Variants in ARID4B observed in about 807,000 individuals in gnomAD.
The protein encoded by ARID4B is AT-rich interaction domain 4B.
Under a neutral mutation model 147.5 loss-of-function variants are expected in ARID4B, and 26 were observed. The ratio of observed to expected loss-of-function variants is 0.18; its 90% confidence interval spans 0.13 to 0.24. ARID4B has a LOEUF of 0.24. ARID4B is among the 10% of genes least tolerant of loss of function. The probability of loss-of-function intolerance (pLI) is 1.00; values close to 1 mark genes in which losing one functional copy is unlikely to be tolerated. For synonymous variants in ARID4B, 512 were observed against 507.9 expected, an observed-to-expected ratio of 1.01 and a Z score of -0.11; for missense variants, 1,179 against 1,511.5, an observed-to-expected ratio of 0.78 and a Z score of 3.65.
At position 235,184,487 on chromosome 1, in the gene ARID4B, G is replaced by A. The variant is rs947741648; in HGVS notation, c.2126-1694C>T. Among the ~76,000 whole-genome samples the A allele has an allele frequency of 2.6e-5, 4 of 152,174 alleles. No individual in the cohort carries two copies. The South Asian group carries it at 8.3e-4, about 32-fold the overall frequency. ...TTTAGAGGTTAATCTACCCCCCAAG[G>A]TAGTTAAATCTAAGTCATTTAACTC... On this transcript the variant is annotated intron_variant, in intron 19 of 23. Coordinates refer to ENST00000264183, the MANE Select transcript of ARID4B (RefSeq NM_016374.6).
At chr1:235,317,034 T>G (rs1343026894) in intron 2 of ARID4B, among the ~76,000 whole-genome samples, 1 of 152,238 alleles carries the variant, frequency 6.6e-6, no homozygotes, top group East Asian at 1.9e-4. Context: ...CAAATATTTC[T>G]GGTCCCAAGC....
chr1:235,228,282 G>GTTTTTTTT (rs1303253908), intron 11 of ARID4B: 1 of 117,796 alleles, frequency 8.5e-6, no homozygotes. Flanking sequence ...AGGTAGGTAG[G>GTTTTTTTT]TTCTTTTTTT....
intron 9 of ARID4B, among the ~76,000 whole-genome samples, chr1:235,231,755 T>C (rs2103050953): frequency 6.6e-6 from 1 of 152,332 alleles, no homozygotes. Context: ...CCCAAAGTAC[T>C]GGGATTATAG....
intron 2 of ARID4B, among the ~76,000 whole-genome samples, chr1:235,310,030 A>G (rs1050618735): frequency 1.3e-5 from 2 of 151,980 alleles, no homozygotes; most frequent in African/African-American, 4.8e-5. Flanking sequence ...ACCCAGGGAC[A>G]CAAACACTGC....
At chr1:235,248,495 C>T (rs1290955394) in intron 6 of ARID4B, among the ~76,000 whole-genome samples, 2 of 152,128 alleles carry the variant, frequency 1.3e-5, no homozygotes, top group Admixed American at 6.5e-5. Context: ...AATCCGGATT[C>T]ACTTTCTGTC....
chr1:235,254,465 A>C (rs2152954), intron 5 of ARID4B, among the ~76,000 whole-genome samples: 1 of 151,112 alleles, frequency 6.6e-6, no homozygotes, highest in African/African-American at 2.4e-5. Flanking sequence ...TCTGTTTGTA[A>C]AACAAAAATA....
chr1:235,214,501 G>C (rs1571993891), intron 16 of ARID4B, among the ~76,000 whole-genome samples: 1 of 152,026 alleles, frequency 6.6e-6, no homozygotes, highest in East Asian at 1.9e-4. Context: ...TGTCACCCAA[G>C]CTGGAGGCCT....
At chr1:235,179,505 A>C (rs540734785) in intron 20 of ARID4B, among the ~76,000 whole-genome samples, 2 of 146,638 alleles carry the variant, frequency 1.4e-5, no homozygotes, top group Admixed American at 1.4e-4. Context: ...CCTGGGCAAC[A>C]AGAGCAAAAC....
At chr1:235,294,670 A>C (rs547635784) in intron 2 of ARID4B, among the ~76,000 whole-genome samples, 62 of 150,082 alleles carry the variant, frequency 4.1e-4, no homozygotes, top group Non-Finnish European at 6.4e-4. Context: ...TTGCTACCAC[A>C]CCCGGCTGAT....
Position 235,196,014 on chromosome 1 carries a change from TA to T in ARID4B, c.1926+16del. ...CTTTTTAAGAGCTAATAGTGTGTAG[TA>T]AAAACAAGCACTTACCTTTATTTTC... On this transcript the variant is annotated intron_variant, in intron 18 of 23. Transcript: ENST00000264183. 6.5e-7 allele frequency: 1 copy of T among 1,529,132 alleles called. No homozygotes were observed. Among genetic ancestry groups the T allele is most frequent in the Non-Finnish European group, 9.0e-7 (1 of 1,113,148 alleles). 94.7% of individuals were successfully genotyped at this position (1,529,132 alleles called of 1,614,324 possible). A position where few individuals can be genotyped will look rare whatever the true frequency, so the allele number is the denominator to read the frequency against.
At chr1:235,228,472 T>G (rs1447548839) in intron 11 of ARID4B, 1 of 150,924 alleles carries the variant, frequency 6.6e-6, no homozygotes, top group Non-Finnish European at 1.5e-5. Context: ...TGACATGCCC[T>G]GCTAATTATT....
intron 22 of ARID4B, among the ~76,000 whole-genome samples, chr1:235,174,834 A>C (rs1436741466): frequency 6.6e-6 from 1 of 150,520 alleles, no homozygotes; most frequent in Non-Finnish European, 1.5e-5. Context: ...GGCCAGGCGC[A>C]GTGGCTCATG....
At chr1:235,283,193 A>G (rs1157148021) in intron 2 of ARID4B, among the ~76,000 whole-genome samples, 2 of 152,242 alleles carry the variant, frequency 1.3e-5, no homozygotes, top group Non-Finnish European at 2.9e-5. Flanking sequence ...CCACTGGTAT[A>G]AAAGAGCAAA....
chr1:235,303,657 G>A (rs534854960), intron 2 of ARID4B, among the ~76,000 whole-genome samples: 2 of 152,144 alleles, frequency 1.3e-5, no homozygotes, highest in African/African-American at 4.8e-5. Context: ...TGAGCCCAGG[G>A]GTTCAAGGCT....
In ARID4B at chr1:235,223,243, G is replaced by A; in HGVS notation, c.988C>T (p.Arg330Ter). 1 of 1,584,760 alleles carries A rather than the reference G, an allele frequency of 6.3e-7. No individual in the cohort carries two copies. The highest frequency in any genetic ancestry group is 8.6e-7 in the Non-Finnish European group (1 of 1,164,738). ...AAATTTCGATATCCAAGTACAGGTC[G>A]TTTGTTAATAGGTGTACCTGTTACA... ...MEDRGTPINK[R>*]PVLGYRNLNL... Residue 330 changes from arginine to a stop codon, truncating the protein, a stop_gained, in exon 13 of 24, where the codon CGA (arginine) becomes TGA (stop). Coordinates refer to ENST00000264183, the MANE Select transcript of ARID4B (RefSeq NM_016374.6). LOFTEE classifies it high-confidence loss of function.
intron 2 of ARID4B, among the ~76,000 whole-genome samples, chr1:235,289,646 C>A (rs1471915948): frequency 1.3e-5 from 2 of 151,098 alleles, no homozygotes; most frequent in Non-Finnish European, 2.9e-5. Flanking sequence ...ATCACTTGAG[C>A]CTGGGAGGTT....
intron 12 of ARID4B, 56 bp downstream of exon 12, chr1:235,224,647 G>T: frequency 1.7e-6 from 2 of 1,173,766 alleles, no homozygotes; most frequent in South Asian, 1.4e-5. Flanking sequence ...TTATTTTTAA[G>T]ATACTAATTA....
chr1:235,208,759 C>T (rs1447243458), intron 17 of ARID4B, among the ~76,000 whole-genome samples: 3 of 152,054 alleles, frequency 2.0e-5, no homozygotes, highest in Non-Finnish European at 2.9e-5. Context: ...TCAGGTGATC[C>T]GCCCACCTCG....
intron 2 of ARID4B, among the ~76,000 whole-genome samples, chr1:235,313,760 G>A (rs888169554): frequency 3.9e-5 from 6 of 152,136 alleles, no homozygotes; most frequent in Non-Finnish European, 8.8e-5. Flanking sequence ...ACTAAGAGAA[G>A]CTTCTGCATC....
Sources: allele counts gnomAD v4.1 joint callset (sites outside exome capture counted in the v4.1 genomes callset), GRCh38; gene constraint gnomAD v4.1.1; transcripts MANE v1.5; gene names NCBI Gene and HGNC (gene_info 2026-07-23, HGNC 2026-07-21).